PRKRIP1: variants seen among roughly 807,000 people sequenced by gnomAD.
PRKRIP1 encodes PRKR-interacting protein 1.
A neutral mutation model predicts 29.3 loss-of-function variants in PRKRIP1; 29 were observed. The observed-to-expected ratio is 0.99, with a 90% CI of 0.74 to 1.35. PRKRIP1 has a LOEUF of 1.35. PRKRIP1 is among the 40% of genes most tolerant of loss of function. PRKRIP1 has a pLI of 0.00. For missense variants in PRKRIP1, 247 were observed against 236.8 expected (o/e 1.04, Z -0.28); for synonymous variants, 90 against 85.1 (o/e 1.06, Z -0.32).
chr7:102,419,841 G>GTT (rs1398192570), intron 5 of PRKRIP1, among the ~76,000 whole-genome samples: 1 of 137,970 alleles, frequency 7.2e-6, no homozygotes, highest in African/African-American at 2.7e-5. Context: ...GTTTTTTTGT[G>GTT]TTTTTGTGTG....
intron 5 of PRKRIP1, among the ~76,000 whole-genome samples, chr7:102,422,488 T>TG (rs1796721208): frequency 1.3e-5 from 2 of 151,952 alleles, no homozygotes; most frequent in East Asian, 3.9e-4. Flanking sequence ...GGATTACAGG[T>TG]GCACCACCAC....
At chr7:102,422,711 G>A (rs1554573905) in intron 5 of PRKRIP1, among the ~76,000 whole-genome samples, 2 of 151,994 alleles carry the variant, frequency 1.3e-5, no homozygotes, top group Admixed American at 6.6e-5. Context: ...TCCTGACCTC[G>A]AGTGATCCAC....
rs552491944 is a variant in PRKRIP1, at chr7:102,400,009, A to G, written c.306+361A>G. ...AGAGCGAAACTCCATCTCAAAAAAA[A>G]AAAAAAAGAGAGAAAAGAAAAGAAA... On this transcript the variant is annotated intron_variant, in intron 3 of 5. Coordinates refer to ENST00000397912, the MANE Select transcript of PRKRIP1 (RefSeq NM_024653.4). Among the ~76,000 whole-genome samples, 107 of 149,582 alleles carry G rather than the reference A, an allele frequency of 7.2e-4. 5 individuals carry two copies. The South Asian group carries it at 0.023, about 32-fold the overall frequency.
intron 5 of PRKRIP1, among the ~76,000 whole-genome samples, chr7:102,410,219 C>T (rs1191241989): frequency 6.6e-6 from 1 of 152,144 alleles, no homozygotes; most frequent in Non-Finnish European, 1.5e-5. Context: ...GGCTGTCTTT[C>T]TTGGGCATGT....
Position 102,425,103 on chromosome 7 carries a change from G to A in PRKRIP1, c.547G>A (p.Gly183Arg). Residue 183 changes from glycine (G) to arginine (R), a missense_variant, in exon 6 of 6, where the codon GGG (glycine) becomes AGG (arginine). Physicochemically the swap from Gly to Arg is moderately radical, Grantham distance 125 (BLOSUM62 -2). Around this residue, in one of 3 missense-constraint regions of PRKRIP1, gnomAD observed 134 missense variants for 126.6 expected, o/e 1.06. Transcript: ENST00000397912. ...EEEEVPSFTM[G>R]R is the part of the protein sequence containing the mutation. ...GGAGGAAGTGCCCAGTTTCACCATG[G>A]GGCGATGACAATGTTTGCCACAGCC... The A allele has an allele frequency of 2.5e-6, 4 of 1,612,142 alleles. No individual in the cohort carries two copies. Among genetic ancestry groups the A allele is most frequent in the Non-Finnish European group, 3.4e-6 (4 of 1,179,830 alleles).
intron 1 of PRKRIP1, 91 bp from the exon 2 acceptor site, chr7:102,397,527 CAG>C: frequency 9.7e-7 from 1 of 1,029,522 alleles, no homozygotes. Flanking sequence ...GCCTGAGGAA[CAG>C]AGCAAGAACC....
intron 5 of PRKRIP1, 139 bp from the exon 6 acceptor site, chr7:102,424,875 A>G (rs1983476): frequency 0.93 from 715,488 of 770,926 alleles, 332,443 homozygotes; most frequent in East Asian, 1. Context: ...GGACTGGTGG[A>G]CGTGAGGCAT....
chr7:102,404,814 C>G (rs1377634773), intron 4 of PRKRIP1, 131 bp downstream of exon 4: 1 of 617,296 alleles, frequency 1.6e-6, no homozygotes, highest in African/African-American at 1.8e-5. Context: ...ATGACTTCTA[C>G]TACCTGAGCA....
rs782416361 is a variant in PRKRIP1 at position 102,425,072 on chromosome 7, G to A, written c.516G>A (p.Glu172=). Reference sequence around the variant, plus strand: ...GCTCTGCGGAGGCATCTGGAACAGAGGAGGAGGAGGAAGTGCCCAGTTTCA... The same window carrying A: ...GCTCTGCGGAGGCATCTGGAACAGAAGAGGAGGAGGAAGTGCCCAGTTTCA... ...SSSSAEASGT[E]EEEEVPSFTM... The change falls in exon 6 of 6, where the codon GAG becomes GAA. Residue 172 remains glutamate (E), a synonymous_variant. Coordinates refer to ENST00000397912, the MANE Select transcript of PRKRIP1 (RefSeq NM_024653.4). 6.2e-7 allele frequency: 1 copy of A among 1,601,070 alleles called. No individual in the cohort carries two copies. Among genetic ancestry groups the A allele is most frequent in the East Asian group, 2.3e-5 (1 of 43,986 alleles).
intron 4 of PRKRIP1, among the ~76,000 whole-genome samples, chr7:102,406,392 G>A (rs1554571830): frequency 6.6e-6 from 1 of 152,160 alleles, no homozygotes. Flanking sequence ...GTCACAATCT[G>A]ATCGAGAAAT....
chr7:102,414,284 C>G (rs1405894555), intron 5 of PRKRIP1, among the ~76,000 whole-genome samples: 1 of 152,010 alleles, frequency 6.6e-6, no homozygotes, highest in Non-Finnish European at 1.5e-5. Flanking sequence ...GCTCAAATAT[C>G]ATTTCCTGAA....
chr7:102,421,203 G>C (rs2133204061), intron 5 of PRKRIP1, among the ~76,000 whole-genome samples: 1 of 152,288 alleles, frequency 6.6e-6, no homozygotes, highest in East Asian at 1.9e-4. Flanking sequence ...GAAGCAGAAG[G>C]ATAAAAGGTT....
intron 5 of PRKRIP1, among the ~76,000 whole-genome samples, chr7:102,410,232 A>C (rs1458009895): frequency 6.6e-6 from 1 of 152,154 alleles, no homozygotes; most frequent in Non-Finnish European, 1.5e-5. Flanking sequence ...GGGCATGTGC[A>C]CTGCTCTGGT....
chr7:102,397,889 C>CA (rs1337251015), intron 2 of PRKRIP1, among the ~76,000 whole-genome samples, 191 bp downstream of exon 2: 3 of 151,426 alleles, frequency 2.0e-5, no homozygotes, highest in Non-Finnish European at 4.4e-5. Context: ...ACTAAAAATA[C>CA]AAAAAAAATT....
intron 5 of PRKRIP1, 121 bp from the exon 6 acceptor site, chr7:102,424,893 G>GT (rs1361016614): frequency 1.0e-6 from 1 of 999,778 alleles, no homozygotes; most frequent in Non-Finnish European, 1.4e-6. Flanking sequence ...CATGACCCTG[G>GT]TTTCTTGCCA....
Position 102,425,195 on chromosome 7 carries a change from G to A in PRKRIP1, c.*84G>A, listed in dbSNP as rs3747529. On this transcript the variant is annotated 3_prime_UTR_variant, in exon 6 of 6. Coordinates refer to ENST00000397912, the MANE Select transcript of PRKRIP1 (RefSeq NM_024653.4). ...GCGGCTGTTTGGCTCTTTCTCCCCC[G>A]CAAGGACCCGCTGACCCGCTGGATG... The A allele has an allele frequency of 5.4e-4, 827 of 1,535,722 alleles. 7 individuals carry two copies. The East Asian group carries it at 0.017, about 32-fold the overall frequency.
chr7:102,417,722 A>G (rs1296365484), intron 5 of PRKRIP1, among the ~76,000 whole-genome samples: 1 of 150,438 alleles, frequency 6.6e-6, no homozygotes, highest in African/African-American at 2.5e-5. Flanking sequence ...GGCTCAAACA[A>G]TCCTCTCGCC....
intron 5 of PRKRIP1, among the ~76,000 whole-genome samples, chr7:102,419,119 A>G (rs1796625960): frequency 2.0e-5 from 3 of 152,092 alleles, no homozygotes; most frequent in Admixed American, 1.3e-4. Flanking sequence ...GACTTTTAAA[A>G]TTAGCATAAT....
intron 4 of PRKRIP1, among the ~76,000 whole-genome samples, chr7:102,405,475 A>G (rs1263382019): frequency 2.0e-5 from 3 of 152,152 alleles, no homozygotes; most frequent in Admixed American, 6.6e-5. Flanking sequence ...CACAGTTGTA[A>G]TCTCAGCACT....
Sources: allele counts gnomAD v4.1 joint callset (sites outside exome capture counted in the v4.1 genomes callset), GRCh38; gene constraint gnomAD v4.1.1; regional missense constraint gnomAD v4.1.1; transcripts MANE v1.5; gene names NCBI Gene and HGNC (gene_info 2026-07-23, HGNC 2026-07-21).